The following PDGFD variants were observed in gnomAD, a reference collection of about 807,000 sequenced individuals.
The protein encoded by PDGFD is platelet-derived growth factor D.
A neutral mutation model predicts 44.7 loss-of-function variants in PDGFD; 30 were observed. The ratio of observed to expected loss-of-function variants is 0.67; its 90% confidence interval spans 0.50 to 0.91. The LOEUF (loss-of-function observed/expected upper bound fraction) is 0.91, where lower values mean the gene tolerates loss of function less well. PDGFD is among the 40% of genes least tolerant of loss of function. The pLI, the probability that PDGFD is intolerant of heterozygous loss-of-function variation, is 0.00. For synonymous variants in PDGFD, 173 were observed against 168.4 expected (o/e 1.03, Z -0.21); for missense variants, 445 against 457.8 (o/e 0.97, Z 0.25).
At chr11:104,160,694 A>G (rs1432971843) in intron 1 of PDGFD, among the ~76,000 whole-genome samples, 1 of 152,176 alleles carries the variant, frequency 6.6e-6, no homozygotes, top group Non-Finnish European at 1.5e-5. Context: ...ATAGAGCCTC[A>G]TGTTCTCCTG....
At chr11:103,984,833 TATTA>T in intron 3 of PDGFD, among the ~76,000 whole-genome samples, 1 of 143,328 alleles carries the variant, frequency 7.0e-6, no homozygotes, top group Non-Finnish European at 1.5e-5. Context: ...ATATATAATA[TATTA>T]ATTTATTTAA....
chr11:104,089,563 G>C (rs1334827696), intron 1 of PDGFD, among the ~76,000 whole-genome samples: 3 of 152,158 alleles, frequency 2.0e-5, no homozygotes, highest in Non-Finnish European at 4.4e-5. Flanking sequence ...GTATGGGCTA[G>C]AATTTAGAGT....
chr11:104,147,607 A>G (rs1862182310), intron 1 of PDGFD, among the ~76,000 whole-genome samples: 1 of 152,156 alleles, frequency 6.6e-6, no homozygotes, highest in South Asian at 2.1e-4. Context: ...TTAATGCAAA[A>G]GGAGTTTTCA....
At chr11:103,961,401 A>T (rs902426038) in intron 3 of PDGFD, among the ~76,000 whole-genome samples, 1 of 152,172 alleles carries the variant, frequency 6.6e-6, no homozygotes, top group South Asian at 2.1e-4. Flanking sequence ...ATTTAAGTAC[A>T]TTTAGGAAGG....
intron 1 of PDGFD, among the ~76,000 whole-genome samples, chr11:104,081,128 T>G (rs1861040251): frequency 6.6e-6 from 1 of 152,236 alleles, no homozygotes; most frequent in Non-Finnish European, 1.5e-5. Flanking sequence ...TTTTGTTTTT[T>G]TTTAACTTCT....
intron 1 of PDGFD, among the ~76,000 whole-genome samples, chr11:104,099,679 T>TAAAA (rs1861342514): frequency 2.1e-5 from 3 of 142,430 alleles, no homozygotes; most frequent in Admixed American, 7.0e-5. Flanking sequence ...TAATAATAAA[T>TAAAA]CAAACCAAAA....
chr11:103,910,833 G>A (rs532535972), intron 6 of PDGFD, among the ~76,000 whole-genome samples: 89 of 152,352 alleles, frequency 5.8e-4, no homozygotes, highest in Non-Finnish European at 9.4e-4. Flanking sequence ...CCACTGGCTT[G>A]AAATTCTCCT....
At chr11:103,938,225 G>T (rs1858523938) in intron 5 of PDGFD, among the ~76,000 whole-genome samples, 1 of 152,096 alleles carries the variant, frequency 6.6e-6, no homozygotes, top group Non-Finnish European at 1.5e-5. Context: ...GTTGTTTCCT[G>T]ACTTTTTAAT....
At chr11:104,059,224 C>T (rs1331088327) in intron 1 of PDGFD, among the ~76,000 whole-genome samples, 1 of 152,176 alleles carries the variant, frequency 6.6e-6, no homozygotes, top group Non-Finnish European at 1.5e-5. Context: ...CTGTAAAATA[C>T]TATTTGTGTT....
intron 1 of PDGFD, among the ~76,000 whole-genome samples, chr11:104,106,619 A>T (rs927792409): frequency 6.6e-6 from 1 of 152,172 alleles, no homozygotes; most frequent in Admixed American, 6.5e-5. Context: ...CTAAACAAAG[A>T]CTATTAATTC....
chr11:103,947,648 A>G lies in PDGFD; in HGVS notation c.573+14T>C. On this transcript the variant is annotated intron_variant, in intron 4 of 6. Transcript: ENST00000393158. ...CCGTTTCTTTTGCTGGCAACAGAGT[A>G]ATAAATTACTTACTGAAATAGAGCT... The G allele has an allele frequency of 6.2e-7, 1 of 1,608,198 alleles. No homozygotes were observed. The highest frequency in any genetic ancestry group is 8.5e-7 in the Non-Finnish European group (1 of 1,174,784).
chr11:104,084,363 A>G (rs1185419142), intron 1 of PDGFD, among the ~76,000 whole-genome samples: 1 of 152,174 alleles, frequency 6.6e-6, no homozygotes, highest in Non-Finnish European at 1.5e-5. Context: ...AGATGACATG[A>G]TGGGACAGAA....
intron 1 of PDGFD, among the ~76,000 whole-genome samples, chr11:104,036,098 G>C (rs1035093433): frequency 6.6e-6 from 1 of 152,080 alleles, no homozygotes; most frequent in Non-Finnish European, 1.5e-5. Context: ...AAAGTACAAA[G>C]AATACAACTC....
chr11:103,949,295 GCCCGGC>G (rs1255826386), intron 3 of PDGFD, among the ~76,000 whole-genome samples: 2 of 152,134 alleles, frequency 1.3e-5, no homozygotes, highest in Admixed American at 6.5e-5. Flanking sequence ...GAGCCACTGG[GCCCGGC>G]CTCGTTATTC....
intron 3 of PDGFD, among the ~76,000 whole-genome samples, chr11:103,974,212 A>G (rs1199159186): frequency 6.6e-6 from 1 of 152,190 alleles, no homozygotes; most frequent in Non-Finnish European, 1.5e-5. Context: ...TACTTCTTCC[A>G]ATGGGAAGAG....
intron 1 of PDGFD, among the ~76,000 whole-genome samples, chr11:104,142,052 C>A (rs1862092994): frequency 6.6e-6 from 1 of 152,098 alleles, no homozygotes; most frequent in Admixed American, 6.6e-5. Context: ...ATTATTTCAG[C>A]ATCTTGTTTT....
At chr11:104,034,292 C>T (rs867960034) in intron 1 of PDGFD, among the ~76,000 whole-genome samples, 32 of 144,662 alleles carry the variant, frequency 2.2e-4, no homozygotes, top group East Asian at 1.0e-3. Context: ...ACATTATTCA[C>T]GTCTGTTTCC....
chr11:104,046,255 C>A lies in PDGFD; in HGVS notation c.125-46000G>T, dbSNP rs1261691526. Among the ~76,000 whole-genome samples the A allele has an allele frequency of 1.4e-5, 2 of 147,590 alleles. 1 individual carries two copies. The highest frequency in any genetic ancestry group is 3.9e-4 in the East Asian group (2 of 5,108). On this transcript the variant is annotated intron_variant, in intron 1 of 6. Coordinates refer to ENST00000393158, the MANE Select transcript of PDGFD (RefSeq NM_025208.5). ...CATCTTTTGTTACCTGTTGAACCAA[C>A]CAGTTCTTCAATTCACTCTTTAATA...
At chr11:104,119,989 A>T (rs907465624) in intron 1 of PDGFD, among the ~76,000 whole-genome samples, 7 of 142,560 alleles carry the variant, frequency 4.9e-5, no homozygotes, top group Admixed American at 3.0e-4. Context: ...CATAATTATT[A>T]ATTAAATTAA....
Sources: allele counts gnomAD v4.1 joint callset (sites outside exome capture counted in the v4.1 genomes callset), GRCh38; gene constraint gnomAD v4.1.1; transcripts MANE v1.5; gene names NCBI Gene and HGNC (gene_info 2026-07-23, HGNC 2026-07-21).